CAPN7: variants seen among roughly 807,000 people sequenced by gnomAD.
CAPN7 encodes the protein calpain 7.
Under a neutral mutation model 115.2 loss-of-function variants are expected in CAPN7, and 72 were observed. That is an observed-to-expected ratio of 0.63 (90% CI 0.52 to 0.76). The LOEUF is 0.76. CAPN7 is among the 30% of genes least tolerant of loss of function. CAPN7 has a pLI of 0.00. For synonymous variants in CAPN7, 344 were observed against 322.3 expected (o/e 1.07, Z -0.72); for missense variants, 905 against 971.5 (o/e 0.93, Z 0.91).
rs55678046 is a variant in CAPN7 at position 15,247,534 on chromosome 3, C to A, written c.2204+77C>A. Reference sequence around the variant, plus strand: ...ATAGTATAACAAAAAAGTTTAGAAACAGACCTAAGCATATATGGACATTGG... The same window carrying A: ...ATAGTATAACAAAAAAGTTTAGAAAAAGACCTAAGCATATATGGACATTGG... On this transcript the variant is annotated intron_variant, in intron 19 of 20. Coordinates refer to ENST00000253693, the MANE Select transcript of CAPN7 (RefSeq NM_014296.3). The A allele has an allele frequency of 0.026, 31,125 of 1,181,840 alleles. 5,677 individuals are homozygous for A. The African/African-American group carries it at 0.41, about 16-fold the overall frequency. 73.2% of individuals were successfully genotyped at this position (1,181,840 alleles called of 1,614,324 possible). A position where few individuals can be genotyped will look rare whatever the true frequency, so the allele number is the denominator to read the frequency against.
Position 15,239,701 on chromosome 3 carries a change from A to C in CAPN7, c.1408-772A>C, listed in dbSNP as rs1364946463. Among the ~76,000 whole-genome samples the C allele has an allele frequency of 1.3e-5, 2 of 152,236 alleles. 1 individual carries two copies. The highest frequency in any genetic ancestry group is 1.3e-4 in the Admixed American group (2 of 15,290). On this transcript the variant is annotated intron_variant, in intron 12 of 20. Coordinates refer to ENST00000253693, the MANE Select transcript of CAPN7 (RefSeq NM_014296.3). The stretch of plus-strand genomic sequence containing the variant: ...TTTATGTTAATTCCATTTGATCTTC[A>C]CAGCCATCTTCTAGGGACACATCAT...
chr3:15,250,607 G>C (rs530756949), intron 19 of CAPN7, among the ~76,000 whole-genome samples: 13 of 152,322 alleles, frequency 8.5e-5, no homozygotes, highest in African/African-American at 3.1e-4. Flanking sequence ...AGGAGGCGGA[G>C]GTTGCAGTGA....
chr3:15,247,608 A>C, intron 19 of CAPN7, 151 bp downstream of exon 19: 1 of 525,780 alleles, frequency 1.9e-6, no homozygotes, highest in Non-Finnish European at 3.2e-6. Context: ...CAATCTTTTC[A>C]ATAAATGGTA....
At chr3:15,232,138 C>T (rs1411806814) in intron 9 of CAPN7, 1 of 404,888 alleles carries the variant, frequency 2.5e-6, no homozygotes, top group Non-Finnish European at 4.8e-6. Context: ...CATCTCTAAT[C>T]TGAAAATCCA....
chr3:15,235,184 G>A (rs1694915267), intron 12 of CAPN7, 39 bp downstream of exon 12: 1 of 1,541,094 alleles, frequency 6.5e-7, no homozygotes, highest in African/African-American at 1.4e-5. Flanking sequence ...TTTCTTGTTG[G>A]ATAAGACATT....
At chr3:15,250,137 C>A (rs1695917872) in intron 19 of CAPN7, among the ~76,000 whole-genome samples, 1 of 151,110 alleles carries the variant, frequency 6.6e-6, no homozygotes, top group African/African-American at 2.4e-5. Flanking sequence ...CTTTGGGAGG[C>A]CAATGTAGGA....
At chr3:15,232,065 A>C (rs575002650) in intron 9 of CAPN7, 1 of 321,746 alleles carries the variant, frequency 3.1e-6, no homozygotes, top group Admixed American at 4.7e-5. Context: ...TTGGGACCAG[A>C]AGTGTTTTGG....
intron 2 of CAPN7, among the ~76,000 whole-genome samples, chr3:15,216,401 A>C (rs180815541): frequency 1.3e-5 from 2 of 152,242 alleles, no homozygotes; most frequent in African/African-American, 4.8e-5. Flanking sequence ...GCAATTTCTT[A>C]TGTGCCATTT....
intron 17 of CAPN7, 104 bp from the exon 18 acceptor site, chr3:15,246,628 T>C (rs1449526709): frequency 1.3e-6 from 1 of 799,780 alleles, no homozygotes; most frequent in South Asian, 1.6e-5. Flanking sequence ...CTATAATGAC[T>C]TGTGTATGCC....
chr3:15,246,425 A>G (rs1695661977), intron 17 of CAPN7: 1 of 301,202 alleles, frequency 3.3e-6, no homozygotes, highest in Non-Finnish European at 6.1e-6. Context: ...AAGCGGCTCA[A>G]TTTGAATAGA....
At chr3:15,221,633 T>G (rs1437875566) in intron 5 of CAPN7, among the ~76,000 whole-genome samples, 1 of 151,730 alleles carries the variant, frequency 6.6e-6, no homozygotes, top group African/African-American at 2.4e-5. Flanking sequence ...TCTATGCAAC[T>G]TTGTAACCAG....
chr3:15,232,477 A>G, intron 9 of CAPN7, 42 bp from the exon 10 acceptor site: 4 of 1,504,248 alleles, frequency 2.7e-6, no homozygotes, highest in Non-Finnish European at 3.6e-6. Flanking sequence ...GGATTTTAAG[A>G]TATTTTGTGC....
intron 2 of CAPN7, 51 bp downstream of exon 2, chr3:15,212,263 C>A: frequency 2.1e-6 from 2 of 963,026 alleles, no homozygotes; most frequent in South Asian, 1.6e-5. Context: ...TTTCTCCCAT[C>A]ATGTCTTTCC....
chr3:15,220,195 G>A lies in CAPN7; in HGVS notation c.438-586G>A, dbSNP rs570158880. ...AGCTTGGGCAACAGAGTGAAACGCCGTCTCAAAAAAAAAAATAAAAAATTT... is the reference window on the plus strand; with the variant it reads ...AGCTTGGGCAACAGAGTGAAACGCCATCTCAAAAAAAAAAATAAAAAATTT... On this transcript the variant is annotated intron_variant, in intron 4 of 20. Coordinates refer to ENST00000253693, the MANE Select transcript of CAPN7 (RefSeq NM_014296.3). 2.5e-4 allele frequency among the ~76,000 whole-genome samples: 37 copies of A among 150,920 alleles called. No homozygotes were observed. The South Asian group carries it at 6.3e-3, about 26-fold the overall frequency.
In CAPN7 at chr3:15,212,098, T is replaced by G; in HGVS notation, c.103-6T>G. ...ATTGGATTCCTTTGAATTCTTTCATTTTTAGGAAGCTGCACAAGCCTTAAT... is the reference window on the plus strand; with the variant it reads ...ATTGGATTCCTTTGAATTCTTTCATGTTTAGGAAGCTGCACAAGCCTTAAT... On this transcript the variant is annotated splice_polypyrimidine_tract_variant and splice_region_variant and intron_variant, in intron 1 of 20. Transcript: ENST00000253693. 1 of 1,576,444 alleles carries G rather than the reference T, an allele frequency of 6.3e-7. No individual in the cohort carries two copies. Among genetic ancestry groups the G allele is most frequent in the Non-Finnish European group, 8.6e-7 (1 of 1,160,148 alleles).
intron 2 of CAPN7, among the ~76,000 whole-genome samples, chr3:15,216,839 G>T (rs981891780): frequency 1.3e-5 from 2 of 152,134 alleles, no homozygotes; most frequent in East Asian, 1.9e-4. Flanking sequence ...TTCAGGGAAA[G>T]AATTTTTTAA....
chr3:15,251,930 A>C lies in CAPN7; in HGVS notation c.*670A>C, dbSNP rs1056575130. ...ATTCAATCATGTAGCAAGAACTTAA[A>C]GAAATTCACTACTGCAGTTTTTATT... is the stretch of plus-strand genomic sequence containing the variant. On this transcript the variant is annotated 3_prime_UTR_variant, in exon 21 of 21. Transcript: ENST00000253693. 1 of 152,244 alleles carries C rather than the reference A, an allele frequency of 6.6e-6. No individual in the cohort carries two copies. The highest frequency in any genetic ancestry group is 1.5e-5 in the Non-Finnish European group (1 of 68,030). 9.4% of individuals were successfully genotyped at this position (152,244 alleles called of 1,614,324 possible).
chr3:15,223,563 T>G lies in CAPN7; in HGVS notation c.725+2T>G. 1 of 1,576,896 alleles carries G rather than the reference T, an allele frequency of 6.3e-7. No homozygotes were observed. The highest frequency in any genetic ancestry group is 8.7e-7 in the Non-Finnish European group (1 of 1,152,834). On this transcript the variant is annotated splice_donor_variant, in intron 6 of 20. Transcript: ENST00000253693. LOFTEE classifies it high-confidence loss of function. Reference sequence around the variant, plus strand: ...TTTTGCCTATCCAATGCCTTTCTGGTAAGTAAGCACTGTTGCAATTTTTAA... The same window carrying G: ...TTTTGCCTATCCAATGCCTTTCTGGGAAGTAAGCACTGTTGCAATTTTTAA...
At chr3:15,225,511 A>G (rs531983351) in intron 6 of CAPN7, among the ~76,000 whole-genome samples, 14 of 152,360 alleles carry the variant, frequency 9.2e-5, no homozygotes, top group African/African-American at 2.6e-4. Context: ...GCCATAAACA[A>G]TCAAGTTTTC....
Sources: gnomAD v4.1 joint callset for allele counts (sites outside exome capture counted in the v4.1 genomes callset) on GRCh38, gnomAD v4.1.1 for gene constraint, MANE v1.5 for transcripts, NCBI Gene and HGNC (gene_info 2026-07-23, HGNC 2026-07-21) for gene names.